Variants in CADPS observed in about 807,000 individuals in gnomAD.
The protein encoded by CADPS is calcium dependent secretion activator.
Under a neutral mutation model 167.3 loss-of-function variants are expected in CADPS, and 57 were observed. The observed-to-expected ratio is 0.34, with a 90% CI of 0.28 to 0.42. The LOEUF is 0.42. Among genes scored for constraint, CADPS ranks in the 20% least tolerant of loss-of-function variants. The pLI is 1.00. For synonymous variants in CADPS, 676 were observed against 635.3 expected (o/e 1.06, Z -0.96); for missense variants, 1,414 against 1,738.1 (o/e 0.81, Z 3.32).
At chr3:62,527,335 T>A (rs563076208) in intron 13 of CADPS, among the ~76,000 whole-genome samples, 1 of 152,136 alleles carries the variant, frequency 6.6e-6, no homozygotes, top group Non-Finnish European at 1.5e-5. Context: ...CTGTGTATTA[T>A]AGGATGTTTA....
chr3:62,767,027 G>A (rs775930699), intron 1 of CADPS, among the ~76,000 whole-genome samples: 1 of 152,110 alleles, frequency 6.6e-6, no homozygotes, highest in South Asian at 2.1e-4. Flanking sequence ...GTGTATGCAA[G>A]ACATGTTATT....
At chr3:62,574,126 A>T (rs1184111410) in intron 8 of CADPS, among the ~76,000 whole-genome samples, 1 of 152,152 alleles carries the variant, frequency 6.6e-6, no homozygotes, top group Admixed American at 6.5e-5. Flanking sequence ...GTCACCATCA[A>T]CACCACCTGG....
At chr3:62,555,169 A>C (rs2077926944) in intron 10 of CADPS, among the ~76,000 whole-genome samples, 1 of 152,246 alleles carries the variant, frequency 6.6e-6, no homozygotes, top group Non-Finnish European at 1.5e-5. Context: ...GCACATGGAA[A>C]GATAGAAGAA....
At chr3:62,786,671 GCA>G (rs142291548) in intron 1 of CADPS, among the ~76,000 whole-genome samples, 2 of 151,498 alleles carry the variant, frequency 1.3e-5, no homozygotes, top group East Asian at 3.9e-4. Context: ...ATGCACATGT[GCA>G]CACACACACA....
intron 6 of CADPS, among the ~76,000 whole-genome samples, chr3:62,641,754 G>A (rs1183737320): frequency 6.6e-6 from 1 of 152,148 alleles, no homozygotes; most frequent in African/African-American, 2.4e-5. Flanking sequence ...ACAGAAATGA[G>A]AGGATATAGT....
intron 3 of CADPS, among the ~76,000 whole-genome samples, chr3:62,714,151 G>T (rs1026782268): frequency 1.3e-5 from 2 of 152,040 alleles, no homozygotes; most frequent in East Asian, 3.9e-4. Flanking sequence ...ATGTAAACAA[G>T]GTCACAGCTA....
At chr3:62,755,822 T>C (rs2083760941) in intron 2 of CADPS, among the ~76,000 whole-genome samples, 2 of 152,152 alleles carry the variant, frequency 1.3e-5, no homozygotes, top group African/African-American at 2.4e-5. Context: ...ATGAGCTAAA[T>C]AATTCATCTG....
chr3:62,686,118 T>C (rs2077992054), intron 3 of CADPS, among the ~76,000 whole-genome samples: 1 of 152,040 alleles, frequency 6.6e-6, no homozygotes, highest in South Asian at 2.1e-4. Flanking sequence ...TTATTATGTG[T>C]CAATTAAACA....
intron 1 of CADPS, among the ~76,000 whole-genome samples, chr3:62,771,510 C>T (rs1371322949): frequency 2.6e-5 from 4 of 152,028 alleles, no homozygotes; most frequent in Non-Finnish European, 4.4e-5. Flanking sequence ...TGACCTTGCA[C>T]GAATAAACTG....
chr3:62,462,010 C>G (rs1197968857), intron 26 of CADPS, among the ~76,000 whole-genome samples: 1 of 152,180 alleles, frequency 6.6e-6, no homozygotes, highest in Non-Finnish European at 1.5e-5. Flanking sequence ...TTGCAGAGGA[C>G]AGAGGAAAGC....
chr3:62,404,547 T>C (rs1376064822), intron 28 of CADPS: 1 of 152,200 alleles, frequency 6.6e-6, no homozygotes, highest in Non-Finnish European at 1.5e-5. Flanking sequence ...GTCTCAGCCA[T>C]GGCGTACAGA....
chr3:62,628,558 TG>T (rs1343634166), intron 6 of CADPS, among the ~76,000 whole-genome samples: 13 of 151,522 alleles, frequency 8.6e-5, no homozygotes, highest in African/African-American at 3.1e-4. Context: ...ATTCCTGTTT[TG>T]CCCCTACTGC....
chr3:62,787,928 C>T (rs922617587), intron 1 of CADPS, among the ~76,000 whole-genome samples: 1 of 152,148 alleles, frequency 6.6e-6, no homozygotes, highest in Non-Finnish European at 1.5e-5. Context: ...TCATCATCAT[C>T]CTCATCATGA....
intron 23 of CADPS, 119 bp from the exon 24 acceptor site, chr3:62,474,439 A>G (rs903272808): frequency 7.8e-6 from 7 of 893,566 alleles, no homozygotes; most frequent in Non-Finnish European, 1.1e-5. Flanking sequence ...TTCAGTCAAC[A>G]ATGACTTCAC....
chr3:62,551,494 G>A (rs964020420), intron 10 of CADPS, among the ~76,000 whole-genome samples: 34 of 152,138 alleles, frequency 2.2e-4, no homozygotes, highest in African/African-American at 7.5e-4. Flanking sequence ...TATAGTTGAT[G>A]CTCACAAGGC....
rs56069272 is a variant in CADPS, at chr3:62,750,353, CAAAAAAAAAAAAAA to C, written c.888+3074_888+3087del. Among the ~76,000 whole-genome samples the C allele has an allele frequency of 1.6e-3, 70 of 44,916 alleles. 3 individuals are homozygous for C. In the East Asian group the frequency reaches 0.052, roughly 33 times the overall value. 29.5% of individuals were successfully genotyped at this position (44,916 alleles called of 152,430 possible). A position where few individuals can be genotyped will look rare whatever the true frequency, so the allele number is the denominator to read the frequency against. ...GTGACAGAGTGAGACTCTTAAGCTCCAAAAAAAAAAAAAAAAAAAAAAAAAGGTGAATTTGAGAG... is the reference window on the plus strand; with the variant it reads ...GTGACAGAGTGAGACTCTTAAGCTCCAAAAAAAAAAAGGTGAATTTGAGAG... On this transcript the variant is annotated intron_variant, in intron 3 of 29. Transcript: ENST00000383710.
chr3:62,572,906 G>A (rs566308029), intron 8 of CADPS, among the ~76,000 whole-genome samples: 1 of 152,120 alleles, frequency 6.6e-6, no homozygotes, highest in East Asian at 1.9e-4. Flanking sequence ...CTTTGAGATG[G>A]AGTTGCACTC....
At chr3:62,865,176 T>TCC (rs2081460667) in intron 1 of CADPS, among the ~76,000 whole-genome samples, 1 of 152,120 alleles carries the variant, frequency 6.6e-6, no homozygotes, top group Non-Finnish European at 1.5e-5. Context: ...ATGCCTACCA[T>TCC]CCTCACCAAA....
intron 6 of CADPS, among the ~76,000 whole-genome samples, chr3:62,634,551 A>T (rs1005158242): frequency 2.0e-5 from 3 of 152,226 alleles, no homozygotes; most frequent in African/African-American, 7.2e-5. Context: ...TGTATTACAG[A>T]CATTGTCACA....
Sources: gnomAD v4.1 joint callset for allele counts (sites outside exome capture counted in the v4.1 genomes callset) on GRCh38, gnomAD v4.1.1 for gene constraint, MANE v1.5 for transcripts, NCBI Gene and HGNC (gene_info 2026-07-23, HGNC 2026-07-21) for gene names.